Variants in ST14 observed in about 807,000 individuals in gnomAD.
ST14 encodes the protein suppressor of tumorigenicity 14 protein.
ST14 carries 40 observed loss-of-function variants against 96.5 expected under a neutral mutation model. The ratio of observed to expected loss-of-function variants is 0.41; its 90% CI spans 0.32 to 0.54. The LOEUF is 0.54. Ranked by LOEUF, ST14 falls within the 20% of genes least tolerant of loss-of-function variation. The probability of loss-of-function intolerance (pLI) is 0.17; values close to 1 mark genes in which losing one functional copy is unlikely to be tolerated. For synonymous variants in ST14, 506 were observed against 492.1 expected (o/e 1.03, Z -0.37); for missense variants, 1,066 against 1,188.9 (o/e 0.90, Z 1.52).
intron 1 of ST14, among the ~76,000 whole-genome samples, chr11:130,163,984 C>G (rs1953022520): frequency 6.6e-6 from 1 of 152,204 alleles, no homozygotes; most frequent in Non-Finnish European, 1.5e-5. Context: ...AACCAGACTA[C>G]CAGACTGCCT....
intron 5 of ST14, 108 bp from the exon 6 acceptor site, chr11:130,190,005 G>C: frequency 1.2e-6 from 2 of 1,610,634 alleles, no homozygotes; most frequent in Admixed American, 3.3e-5. Context: ...CAGTGCCCCA[G>C]AGAGAAGACT....
At chr11:130,201,160 T>A (rs1173276674) in intron 16 of ST14, among the ~76,000 whole-genome samples, 2 of 152,224 alleles carry the variant, frequency 1.3e-5, no homozygotes, top group Non-Finnish European at 2.9e-5. Flanking sequence ...AAGGGTCACA[T>A]GGGCATCCCA....
rs758097738 is a variant in ST14 at position 130,209,416 on chromosome 11, T to C, written c.2270-26T>C. ...CGCTGCCCTCGAAGCAGCCCGGCTC[T>C]CAGCCCCGTCCTGCCCTCTCCCCAG... On this transcript the variant is annotated intron_variant, in intron 17 of 18. Transcript: ENST00000278742. 2.6e-6 allele frequency: 4 copies of C among 1,567,644 alleles called. No individual in the cohort carries two copies. The African/African-American group carries it at 5.4e-5, about 21-fold the overall frequency.
intron 12 of ST14, 91 bp downstream of exon 12, chr11:130,198,036 A>C: frequency 7.4e-7 from 1 of 1,354,716 alleles, no homozygotes. Flanking sequence ...CGAGGCAGAA[A>C]GGCCGGAGGT....
At chr11:130,186,678 G>A (rs1953240731) in intron 1 of ST14, among the ~76,000 whole-genome samples, 1 of 152,180 alleles carries the variant, frequency 6.6e-6, no homozygotes, top group African/African-American at 2.4e-5. Flanking sequence ...TGAAAACCTA[G>A]AGTATGGATA....
At chr11:130,201,289 C>T (rs1256766598) in intron 16 of ST14, among the ~76,000 whole-genome samples, 3 of 152,252 alleles carry the variant, frequency 2.0e-5, no homozygotes, top group Non-Finnish European at 4.4e-5. Context: ...AAGAGGCAGG[C>T]ACAGGGGCAT....
At chr11:130,173,706 A>C (rs1019718160) in intron 1 of ST14, among the ~76,000 whole-genome samples, 1 of 152,066 alleles carries the variant, frequency 6.6e-6, no homozygotes, top group African/African-American at 2.4e-5. Context: ...TCTTTCCAGG[A>C]TCCCAGGAGC....
rs763572472 is a variant in ST14, at chr11:130,190,450, G to A, written c.635-4G>A. On this transcript the variant is annotated splice_region_variant and splice_polypyrimidine_tract_variant and intron_variant, in intron 6 of 18. Coordinates refer to ENST00000278742, the MANE Select transcript of ST14 (RefSeq NM_021978.4). ...ACGTGCCCTCCTTCTTGTCTCCTGCGCAGACAGCTGCAGCTTTGGCCTGCA... is the reference window on the plus strand; with the variant it reads ...ACGTGCCCTCCTTCTTGTCTCCTGCACAGACAGCTGCAGCTTTGGCCTGCA... The A allele has an allele frequency of 8.1e-6, 13 of 1,605,996 alleles. No individual in the cohort carries two copies. Among genetic ancestry groups the A allele is most frequent in the South Asian group, 2.2e-5 (2 of 91,086 alleles).
intron 17 of ST14, 126 bp from the exon 18 acceptor site, chr11:130,209,316 C>G: frequency 2.3e-6 from 3 of 1,290,254 alleles, no homozygotes; most frequent in South Asian, 1.3e-5. Context: ...GCGGATTACC[C>G]GTTTGTCAGC....
intron 1 of ST14, among the ~76,000 whole-genome samples, chr11:130,170,971 C>T (rs1345408428): frequency 3.3e-5 from 5 of 152,068 alleles, no homozygotes; most frequent in Non-Finnish European, 7.4e-5. Context: ...GGGGCCTGTG[C>T]TAGCAATGAC....
In ST14 at chr11:130,209,920, C is replaced by T; in HGVS notation, c.*97C>T. 6.9e-7 allele frequency: 1 copy of T among 1,440,480 alleles called. No homozygotes were observed. Among genetic ancestry groups the T allele is most frequent in the Non-Finnish European group, 9.5e-7 (1 of 1,048,968 alleles). 89.2% of individuals were successfully genotyped at this position (1,440,480 alleles called of 1,614,324 possible). A position where few individuals can be genotyped will look rare whatever the true frequency, so the allele number is the denominator to read the frequency against. ...CTGGAGACTGGACCGCTGACTGCAC[C>T]AGCGCCCCCAGAACATACACTGTGA... On this transcript the variant is annotated 3_prime_UTR_variant, in exon 19 of 19. Coordinates refer to ENST00000278742, the MANE Select transcript of ST14 (RefSeq NM_021978.4).
intron 1 of ST14, among the ~76,000 whole-genome samples, chr11:130,167,166 G>A (rs578011497): frequency 2.7e-4 from 41 of 152,300 alleles, no homozygotes; most frequent in Middle Eastern, 3.4e-3. Flanking sequence ...AGCCGAGATC[G>A]TGCCATTGCA....
chr11:130,196,187 AAACAAAC>A (rs1277175496), intron 9 of ST14, 145 bp from the exon 10 acceptor site: 100 of 703,750 alleles, frequency 1.4e-4, no homozygotes, highest in Admixed American at 8.9e-4. Context: ...ACAAACAAAC[AAACAAAC>A]ACGCTGGGAG....
rs1953153016 is a variant in ST14 at position 130,177,593 on chromosome 11, C to T, written c.82-10521C>T. ...ACAAAAAATTTTTTTGTTTTGCCAA[C>T]TGCCATCTCCTAAGTTGAGACCATG... On this transcript the variant is annotated intron_variant, in intron 1 of 18. Transcript: ENST00000278742. Among the ~76,000 whole-genome samples the T allele has an allele frequency of 2.6e-5, 4 of 152,180 alleles. No individual in the cohort carries two copies. In the South Asian group the frequency reaches 6.2e-4, roughly 24 times the overall value.
intron 16 of ST14, among the ~76,000 whole-genome samples, chr11:130,203,974 A>G (rs759339230): frequency 2.0e-5 from 3 of 152,124 alleles, no homozygotes; most frequent in Non-Finnish European, 4.4e-5. Flanking sequence ...CTCTTTAAAC[A>G]TGCGGCATTC....
chr11:130,169,710 C>G (rs961992620), intron 1 of ST14, among the ~76,000 whole-genome samples: 7 of 152,108 alleles, frequency 4.6e-5, no homozygotes, highest in African/African-American at 1.7e-4. Context: ...AGAAACTGGG[C>G]AAGGATCTCA....
Position 130,187,756 on chromosome 11 carries a change from C to T in ST14, c.82-358C>T, listed in dbSNP as rs924198725. Among the ~76,000 whole-genome samples the T allele has an allele frequency of 3.0e-4, 46 of 152,182 alleles. No homozygotes were observed. The highest frequency in any genetic ancestry group is 1.0e-3 in the African/African-American group (42 of 41,452). On this transcript the variant is annotated intron_variant, in intron 1 of 18. Coordinates refer to ENST00000278742, the MANE Select transcript of ST14 (RefSeq NM_021978.4). This position sits in a 1 kb window ranked among gnomAD's most constrained non-coding sequence, Gnocchi z 4.5. The stretch of plus-strand genomic sequence containing the variant: ...GGCCACTCTCCGGGGCACCCACCTA[C>T]GTCAAAGGTGATTCACTGAAGGGGA...
chr11:130,187,946 C>T lies in ST14; in HGVS notation c.82-168C>T, dbSNP rs774907869. Among the ~76,000 whole-genome samples the T allele has an allele frequency of 1.8e-4, 28 of 152,318 alleles. 1 individual carries two copies. In the South Asian group the frequency reaches 5.0e-3, roughly 27 times the overall value. ...CCCAGGGTTCATGTCCCGGGGTCTG[C>T]GCTCTGGGCAGTGGTCCCCATGCCT... On this transcript the variant is annotated intron_variant, in intron 1 of 18. Coordinates refer to ENST00000278742, the MANE Select transcript of ST14 (RefSeq NM_021978.4). The surrounding 1 kb of genome is among the most constrained non-coding windows in gnomAD (Gnocchi z 4.5).
chr11:130,171,122 T>G (rs1377872734), intron 1 of ST14, among the ~76,000 whole-genome samples: 1 of 152,188 alleles, frequency 6.6e-6, no homozygotes. Context: ...GCTACTGACA[T>G]CCTGCTCTTT....
Sources: allele counts gnomAD v4.1 joint callset (sites outside exome capture counted in the v4.1 genomes callset), GRCh38; gene constraint gnomAD v4.1.1; non-coding constraint Gnocchi (gnomAD v3.1); transcripts MANE v1.5; gene names NCBI Gene and HGNC (gene_info 2026-07-23, HGNC 2026-07-21).